Variants in LRIF1 observed in about 807,000 individuals in gnomAD.
The protein encoded by LRIF1 is ligand dependent nuclear receptor interacting factor 1, also known as ligand-dependent nuclear receptor-interacting factor 1.
LRIF1 carries 32 observed loss-of-function variants against 52.7 expected under a neutral mutation model. The observed-to-expected ratio is 0.61, with a 90% CI of 0.46 to 0.82. The LOEUF is 0.82. Among genes scored for constraint, LRIF1 ranks in the 40% least tolerant of loss-of-function variants. The probability of loss-of-function intolerance (pLI) is 0.00; values close to 1 mark genes in which losing one functional copy is unlikely to be tolerated. For synonymous variants in LRIF1, 323 were observed against 317.4 expected (o/e 1.02, Z -0.19); for missense variants, 887 against 892.0 (o/e 0.99, Z 0.07).
At chr1:110,945,209 T>C (rs1415680261), downstream of LRIF1, 3 of 152,048 alleles carry the variant, frequency 2.0e-5, no homozygotes, top group East Asian at 5.8e-4. Flanking sequence ...GGATTCAGAA[T>C]AGTGTAAATA....
chr1:110,909,637 G>GT, the LRIF1 span, among the ~76,000 whole-genome samples: 1 of 139,658 alleles, frequency 7.2e-6, no homozygotes, highest in South Asian at 2.3e-4. Context: ...CTGGAGTGCA[G>GT]TGGCGCGATC....
At chr1:110,877,914 A>G in the LRIF1 span, among the ~76,000 whole-genome samples, 4 of 152,232 alleles carry the variant, frequency 2.6e-5, no homozygotes, top group African/African-American at 9.7e-5. Flanking sequence ...CAGGAGTTCA[A>G]ACGAGCTGAT....
chr1:110,957,158 T>C (rs901526272), intron 1 of LRIF1, among the ~76,000 whole-genome samples: 3 of 152,002 alleles, frequency 2.0e-5, no homozygotes, highest in Non-Finnish European at 2.9e-5. Flanking sequence ...ACATTCTTCC[T>C]TAAAGACTGC....
chr1:110,898,910 C>T, the LRIF1 span, among the ~76,000 whole-genome samples: 1 of 152,300 alleles, frequency 6.6e-6, no homozygotes, highest in Admixed American at 6.5e-5. Flanking sequence ...CAGTACTTTA[C>T]AGCCTGTTAT....
chr1:110,890,418 T>A, the LRIF1 span, among the ~76,000 whole-genome samples: 1 of 151,938 alleles, frequency 6.6e-6, no homozygotes, highest in Non-Finnish European at 1.5e-5. Flanking sequence ...AATACAAAAA[T>A]TATCCGGGCA....
In LRIF1 at chr1:110,963,667, C is replaced by T. The variant is rs1659062758; in HGVS notation, c.22G>A (p.Val8Ile). Reference sequence around the variant, plus strand: ...TTTTCCTCTGCGGGTTTCAGGAAGACCCTCCGTAGGTTATTTGACATTTTA... The same window carrying T: ...TTTTCCTCTGCGGGTTTCAGGAAGATCCTCCGTAGGTTATTTGACATTTTA... MSNNLRR[V>I]FLKPAEENSG... is the part of the protein sequence containing the mutation. Residue 8 changes from valine (V) to isoleucine (I), a missense_variant, in exon 1 of 4, where the codon GTC becomes ATC. Coordinates refer to ENST00000369763, the MANE Select transcript of LRIF1 (RefSeq NM_018372.4). 1.2e-6 allele frequency: 2 copies of T among 1,609,694 alleles called. No homozygotes were observed. The highest frequency in any genetic ancestry group is 2.7e-5 in the African/African-American group (2 of 75,024).
At chr1:110,958,674 A>C (rs182593579) in intron 1 of LRIF1, among the ~76,000 whole-genome samples, 192 of 152,272 alleles carry the variant, frequency 1.3e-3, no homozygotes, top group Non-Finnish European at 2.3e-3. Flanking sequence ...AAAAATAAAA[A>C]AAAGGAAGAA....
chr1:110,886,869 A>ATATTTTTT, the LRIF1 span, among the ~76,000 whole-genome samples: 74 of 82,782 alleles, frequency 8.9e-4, no homozygotes, highest in East Asian at 2.7e-3. Context: ...ATATATATAT[A>ATATTTTTT]TTTTTTTTTT....
chr1:110,897,857 A>G, the LRIF1 span: 82 of 1,611,898 alleles, frequency 5.1e-5, no homozygotes, highest in Admixed American at 1.3e-4. Context: ...TTTCCTGTAT[A>G]TCGGAATCAT....
rs777202281 is a variant in LRIF1 at position 110,951,264 on chromosome 1, A to C, written c.1596+24T>G. ...CTTTTCTATATAGATATATAAAAAG[A>C]GCACCCTGACATGGGAAAATTACCT... On this transcript the variant is annotated intron_variant, in intron 2 of 3. Transcript: ENST00000369763. 1.4e-5 allele frequency: 22 copies of C among 1,565,048 alleles called. 2 individuals carry two copies. The South Asian group carries it at 2.2e-4, about 15-fold the overall frequency.
the LRIF1 span, among the ~76,000 whole-genome samples, chr1:110,908,501 A>T: frequency 6.6e-6 from 1 of 152,298 alleles, no homozygotes; most frequent in Non-Finnish European, 1.5e-5. Flanking sequence ...GAAAACAGTA[A>T]AATGGTTCAA....
the LRIF1 span, among the ~76,000 whole-genome samples, chr1:110,895,965 ATAAT>A: frequency 4.6e-5 from 7 of 152,354 alleles, no homozygotes; most frequent in South Asian, 2.1e-4. Flanking sequence ...AATAAAGTCT[ATAAT>A]TAAATTTCCC....
chr1:110,894,447 G>T, the LRIF1 span: 4 of 1,415,150 alleles, frequency 2.8e-6, no homozygotes, highest in African/African-American at 4.2e-5. Context: ...CTGAAAGTGG[G>T]GAGTATGCAG....
At chr1:110,879,991 C>T in the LRIF1 span, among the ~76,000 whole-genome samples, 7 of 152,148 alleles carry the variant, frequency 4.6e-5, no homozygotes, top group African/African-American at 1.4e-4. Flanking sequence ...ATTAGAAATC[C>T]GCAGGTTCTA....
the LRIF1 span, chr1:110,897,615 A>C: frequency 2.1e-6 from 1 of 478,270 alleles, no homozygotes; most frequent in Non-Finnish European, 3.8e-6. Flanking sequence ...TGATAACACC[A>C]CCAGAAAAGT....
chr1:110,933,923 A>C, the LRIF1 span, among the ~76,000 whole-genome samples: 23 of 152,292 alleles, frequency 1.5e-4, no homozygotes, highest in Admixed American at 2.0e-4. Flanking sequence ...CAGCTCCAAA[A>C]GAGACCCCTT....
chr1:110,937,050 A>G, the LRIF1 span: 2 of 152,148 alleles, frequency 1.3e-5, no homozygotes, highest in Non-Finnish European at 2.9e-5. Context: ...AATTTTAAAT[A>G]TGCATGCCTT....
chr1:110,929,438 C>T, the LRIF1 span, among the ~76,000 whole-genome samples: 1 of 152,130 alleles, frequency 6.6e-6, no homozygotes, highest in Non-Finnish European at 1.5e-5. Context: ...TATTTTTTGA[C>T]TTTTGAATAA....
intron 2 of LRIF1, 75 bp downstream of exon 2, chr1:110,951,213 A>T (rs1339965756): frequency 2.9e-5 from 35 of 1,205,206 alleles, no homozygotes; most frequent in Admixed American, 8.9e-5. Context: ...GGTATCATAG[A>T]TAACTTTGAG....
Sources: allele counts gnomAD v4.1 joint callset (sites outside exome capture counted in the v4.1 genomes callset), GRCh38; gene constraint gnomAD v4.1.1; transcripts MANE v1.5; gene names NCBI Gene and HGNC (gene_info 2026-07-23, HGNC 2026-07-21).